The following NAV2 variants were observed in gnomAD, a reference collection of about 807,000 sequenced individuals.
NAV2 encodes helicase, APC down-regulated 1.
A neutral mutation model predicts 223.2 loss-of-function variants in NAV2; 54 were observed. The ratio of observed to expected loss-of-function variants is 0.24; its 90% CI spans 0.19 to 0.30. The LOEUF is 0.30. Ranked by LOEUF, NAV2 falls within the 10% of genes least tolerant of loss-of-function variation. NAV2 has a pLI of 1.00. For synonymous variants in NAV2, 1,279 were observed against 1,239.3 expected (o/e 1.03, Z -0.67); for missense variants, 2,806 against 3,147.5 (o/e 0.89, Z 2.60).
At chr11:19,431,385 C>T (rs1464799521) in intron 1 of NAV2, among the ~76,000 whole-genome samples, 1 of 152,102 alleles carries the variant, frequency 6.6e-6, no homozygotes, top group African/African-American at 2.4e-5. Flanking sequence ...AGGAGGAGGT[C>T]CTGGGGGTGG....
chr11:20,048,500 A>G (rs957942897), intron 14 of NAV2, among the ~76,000 whole-genome samples: 3 of 152,210 alleles, frequency 2.0e-5, no homozygotes, highest in Admixed American at 2.0e-4. Flanking sequence ...ATGGAGTCAG[A>G]GTCTCAGCTG....
chr11:19,350,941 T>C (rs1186025840), exon 1 of NAV2: 2 of 1,551,548 alleles, frequency 1.3e-6, no homozygotes, highest in Non-Finnish European at 1.7e-6. Flanking sequence ...GAGAGGATTT[T>C]ATTTCTGGGA....
chr11:19,743,606 A>G (rs1261402377), intron 1 of NAV2, among the ~76,000 whole-genome samples: 4 of 152,238 alleles, frequency 2.6e-5, no homozygotes, highest in Non-Finnish European at 2.9e-5. Flanking sequence ...CTGGGTCTCA[A>G]TGAAGGACAA....
Position 19,716,984 on chromosome 11 carries a change from C to T in NAV2, c.267+3022C>T, listed in dbSNP as rs375526839. ...GAGTAGCAAAGGTAGAATTAGAACTCGGGCAGTCTGGCACTAGATCCCATG... is the reference window on the plus strand; with the variant it reads ...GAGTAGCAAAGGTAGAATTAGAACTTGGGCAGTCTGGCACTAGATCCCATG... On this transcript the variant is annotated intron_variant, in intron 1 of 37. Coordinates refer to ENST00000349880, the MANE Select transcript of NAV2 (RefSeq NM_145117.5). 1.1e-4 allele frequency among the ~76,000 whole-genome samples: 17 copies of T among 152,268 alleles called. No homozygotes were observed. The East Asian group carries it at 1.5e-3, about 14-fold the overall frequency.
intron 11 of NAV2, among the ~76,000 whole-genome samples, chr11:20,006,713 A>G (rs2053110828): frequency 6.6e-6 from 1 of 152,044 alleles, no homozygotes; most frequent in Admixed American, 6.6e-5. Flanking sequence ...TTAGCCAGGC[A>G]TAGTGGCACA....
intron 1 of NAV2, among the ~76,000 whole-genome samples, chr11:19,462,459 A>G (rs1211172875): frequency 3.3e-5 from 5 of 152,236 alleles, no homozygotes; most frequent in Admixed American, 3.3e-4. Flanking sequence ...ATTCAGACAC[A>G]ACGTGCCACC....
chr11:19,809,903 G>T (rs1565353796), intron 1 of NAV2, among the ~76,000 whole-genome samples: 1 of 152,132 alleles, frequency 6.6e-6, no homozygotes, highest in Non-Finnish European at 1.5e-5. Context: ...TCCTATCAGG[G>T]TCATGCTATC....
In NAV2 at chr11:19,877,298, A is replaced by G. The variant is rs1015888216; in HGVS notation, c.512-2571A>G. Among the ~76,000 whole-genome samples the G allele has an allele frequency of 2.0e-5, 3 of 152,052 alleles. No individual in the cohort carries two copies. In the South Asian group the frequency reaches 6.2e-4, roughly 32 times the overall value. The stretch of plus-strand genomic sequence containing the variant: ...AATAGCTCTTATTGTTATAAACTAT[A>G]TGACTTGATAACTGTAAAAGGCACT... On this transcript the variant is annotated intron_variant, in intron 4 of 37. Transcript: ENST00000349880.
chr11:19,696,164 G>A (rs752833125), intron 1 of NAV2, among the ~76,000 whole-genome samples: 95 of 150,498 alleles, frequency 6.3e-4, no homozygotes, highest in Non-Finnish European at 3.0e-4. Context: ...CAATCACATC[G>A]GGAAAAAAAA....
At chr11:20,038,557 A>C (rs971675381) in intron 12 of NAV2, among the ~76,000 whole-genome samples, 2 of 152,184 alleles carry the variant, frequency 1.3e-5, no homozygotes, top group African/African-American at 4.8e-5. Flanking sequence ...CTCCTCCCTC[A>C]TATCACGCTG....
At chr11:19,718,360 T>G (rs2050476303) in intron 1 of NAV2, among the ~76,000 whole-genome samples, 1 of 152,222 alleles carries the variant, frequency 6.6e-6, no homozygotes, top group Admixed American at 6.5e-5. Context: ...TATACATATA[T>G]AAAATATTTT....
chr11:19,942,146 C>T (rs758548623), intron 8 of NAV2, among the ~76,000 whole-genome samples: 1 of 152,232 alleles, frequency 6.6e-6, no homozygotes, highest in Non-Finnish European at 1.5e-5. Flanking sequence ...CCTGCTGTTT[C>T]CACTGGAGCT....
chr11:19,635,187 T>C (rs996427871), intron 1 of NAV2, among the ~76,000 whole-genome samples: 1 of 152,180 alleles, frequency 6.6e-6, no homozygotes, highest in Non-Finnish European at 1.5e-5. Flanking sequence ...TGATATAAGA[T>C]GTGGTTGTAC....
chr11:19,860,368 A>C (rs902165424), intron 3 of NAV2, among the ~76,000 whole-genome samples: 1 of 146,042 alleles, frequency 6.8e-6, no homozygotes, highest in African/African-American at 2.6e-5. Flanking sequence ...GCGGCCGGGC[A>C]GAGACGCTCC....
At chr11:19,777,363 C>A in intron 1 of NAV2, 1 of 406,472 alleles carries the variant, frequency 2.5e-6, no homozygotes, top group Non-Finnish European at 4.8e-6. Context: ...AGACCCGGGA[C>A]TGGACGGCCA....
intron 1 of NAV2, among the ~76,000 whole-genome samples, chr11:19,801,452 T>A (rs2058250289): frequency 6.6e-6 from 1 of 152,244 alleles, no homozygotes; most frequent in African/African-American, 2.4e-5. Context: ...ATACAAAGTG[T>A]GTCCTCACTG....
intron 4 of NAV2, among the ~76,000 whole-genome samples, chr11:19,871,377 C>T (rs991476737): frequency 8.5e-5 from 13 of 152,108 alleles, no homozygotes; most frequent in African/African-American, 2.7e-4. Context: ...GGGGGCATGC[C>T]GGCGTGACTT....
intron 22 of NAV2, among the ~76,000 whole-genome samples, chr11:20,073,193 C>A (rs1421371919): frequency 6.6e-6 from 1 of 152,132 alleles, no homozygotes; most frequent in Non-Finnish European, 1.5e-5. Flanking sequence ...TTGAGATAAT[C>A]ATGTGGTTTT....
At chr11:19,803,998 T>G (rs1324670669) in intron 1 of NAV2, among the ~76,000 whole-genome samples, 1 of 152,100 alleles carries the variant, frequency 6.6e-6, no homozygotes, top group African/African-American at 2.4e-5. Flanking sequence ...AGTGATATGG[T>G]ATAAGGTGAT....
Sources: gnomAD v4.1 joint callset for allele counts (sites outside exome capture counted in the v4.1 genomes callset) on GRCh38, gnomAD v4.1.1 for gene constraint, MANE v1.5 for transcripts, NCBI Gene and HGNC (gene_info 2026-07-23, HGNC 2026-07-21) for gene names.